SNTG1: variants seen among roughly 807,000 people sequenced by gnomAD.
SNTG1 encodes the protein gamma-1-syntrophin.
A neutral mutation model predicts 74.7 loss-of-function variants in SNTG1; 39 were observed. That is an observed-to-expected ratio of 0.52 (90% CI 0.40 to 0.68). SNTG1 has a LOEUF of 0.68. Ranked by LOEUF, SNTG1 falls within the 30% of genes least tolerant of loss-of-function variation. SNTG1 has a pLI of 0.00. For missense variants in SNTG1, 685 were observed against 609.5 expected, an observed-to-expected ratio of 1.12 and a Z score of -1.30; for synonymous variants, 254 against 217.1, an observed-to-expected ratio of 1.17 and a Z score of -1.49.
At chr8:50,594,588 A>C (rs1444325574) in intron 13 of SNTG1, among the ~76,000 whole-genome samples, 1 of 152,176 alleles carries the variant, frequency 6.6e-6, no homozygotes, top group African/African-American at 2.4e-5. Context: ...AGATGTGTAC[A>C]TACCATACAT....
At chr8:50,070,338 T>G (rs926101860) in intron 1 of SNTG1, among the ~76,000 whole-genome samples, 2 of 152,234 alleles carry the variant, frequency 1.3e-5, no homozygotes, top group African/African-American at 2.4e-5. Flanking sequence ...ATAGCTTTTC[T>G]TTTGTTATTT....
Position 50,258,197 on chromosome 8 carries a change from C to G in SNTG1, c.-28+85562C>G, listed in dbSNP as rs1254026070. Among the ~76,000 whole-genome samples, 19 of 152,298 alleles carry G rather than the reference C, an allele frequency of 1.2e-4. No homozygotes were observed. In the South Asian group the frequency reaches 3.9e-3, roughly 32 times the overall value. Reference sequence around the variant, plus strand: ...TATTTAAAATGCTGAGTTTTCACTGCTAGATGATCCGAAAGCAGTTTCACT... The same window carrying G: ...TATTTAAAATGCTGAGTTTTCACTGGTAGATGATCCGAAAGCAGTTTCACT... On this transcript the variant is annotated intron_variant, in intron 2 of 18. Coordinates refer to ENST00000642720, the MANE Select transcript of SNTG1 (RefSeq NM_018967.5).
intron 9 of SNTG1, among the ~76,000 whole-genome samples, chr8:50,526,166 C>A (rs1337244766): frequency 6.6e-6 from 1 of 152,050 alleles, no homozygotes; most frequent in Non-Finnish European, 1.5e-5. Context: ...TGCAATGAGC[C>A]CCTGAACTCT....
At chr8:50,545,917 C>T (rs190203205) in intron 11 of SNTG1, among the ~76,000 whole-genome samples, 7 of 151,816 alleles carry the variant, frequency 4.6e-5, no homozygotes, top group South Asian at 2.1e-4. Context: ...AACAATAAAG[C>T]GAAATATGAA....
intron 9 of SNTG1, among the ~76,000 whole-genome samples, chr8:50,516,349 A>G (rs1393452199): frequency 6.6e-6 from 1 of 152,222 alleles, no homozygotes. Context: ...AAACCAGCAC[A>G]CAAAGTCTGA....
intron 1 of SNTG1, among the ~76,000 whole-genome samples, chr8:50,136,814 G>C (rs538819895): frequency 6.6e-6 from 1 of 152,134 alleles, no homozygotes; most frequent in Non-Finnish European, 1.5e-5. Flanking sequence ...AACTCACAGG[G>C]ACTCTGACAG....
intron 1 of SNTG1, chr8:50,163,711 C>T (rs1232321375): frequency 3.3e-5 from 5 of 152,166 alleles, no homozygotes; most frequent in Non-Finnish European, 5.9e-5. Flanking sequence ...TCTCGATCTC[C>T]TGACCTCAGG....
At chr8:50,640,727 C>G (rs958228644) in intron 13 of SNTG1, among the ~76,000 whole-genome samples, 3 of 152,116 alleles carry the variant, frequency 2.0e-5, no homozygotes, top group Middle Eastern at 3.2e-3. Flanking sequence ...ATCTGCTCTT[C>G]TTTGATGACC....
intron 1 of SNTG1, among the ~76,000 whole-genome samples, chr8:49,980,223 A>G (rs1288423299): frequency 3.3e-5 from 5 of 152,112 alleles, no homozygotes; most frequent in African/African-American, 1.2e-4. Context: ...TTTCTCTATG[A>G]ATTACATTAC....
rs373277234 is a variant in SNTG1, at chr8:50,349,300, AT to A, written c.-27-44910del. Among the ~76,000 whole-genome samples the A allele has an allele frequency of 2.0e-3, 298 of 152,302 alleles. 3 individuals carry two copies. The South Asian group carries it at 0.021, about 11-fold the overall frequency. On this transcript the variant is annotated intron_variant, in intron 2 of 18. Coordinates refer to ENST00000642720, the MANE Select transcript of SNTG1 (RefSeq NM_018967.5). ...GGAGTCTACACAGGGGTAAGACATA[AT>A]TCTGCTTCAAAGATTCCATAGTCTA...
chr8:50,662,801 C>T (rs578076860), intron 15 of SNTG1, among the ~76,000 whole-genome samples: 1 of 151,416 alleles, frequency 6.6e-6, no homozygotes, highest in East Asian at 1.9e-4. Flanking sequence ...TTCAGTTCTT[C>T]ATCTGTGAAA....
chr8:50,195,546 C>T (rs1362187553), intron 2 of SNTG1, among the ~76,000 whole-genome samples: 1 of 152,180 alleles, frequency 6.6e-6, no homozygotes, highest in Non-Finnish European at 1.5e-5. Flanking sequence ...TCTGGTCACC[C>T]TCCCAATGGA....
In SNTG1 at chr8:50,449,719, C is replaced by G. The variant is rs775615270; in HGVS notation, c.271C>G (p.Gln91Glu). The G allele has an allele frequency of 6.3e-7, 1 of 1,594,620 alleles. No individual in the cohort carries two copies. Among genetic ancestry groups the G allele is most frequent in the Non-Finnish European group, 8.6e-7 (1 of 1,168,964 alleles). Residue 91 changes from glutamine (Q) to glutamate (E), a missense_variant, in exon 6 of 19, where the codon CAA (glutamine) becomes GAA (glutamate). By Grantham distance (29) the Gln-to-Glu change is conservative. Transcript: ENST00000642720. ...PVVVSKISKE[Q>E]RAELSGLLFI... Reference sequence around the variant, plus strand: ...TGTCGTTTCAAAAATCTCCAAGGAACAAAGAGGTAATATGTTTAGAGAATT... The same window carrying G: ...TGTCGTTTCAAAAATCTCCAAGGAAGAAAGAGGTAATATGTTTAGAGAATT...
intron 13 of SNTG1, among the ~76,000 whole-genome samples, chr8:50,631,975 A>G (rs931068971): frequency 3.3e-5 from 5 of 152,202 alleles, no homozygotes; most frequent in African/African-American, 1.2e-4. Flanking sequence ...TGAAGCATTA[A>G]AGTAACTCAG....
rs376104025 is a variant in SNTG1 at position 50,394,271 on chromosome 8, T to A, written c.27+6T>A. Reference sequence around the variant, plus strand: ...TCAGAACCGCCTGTGAGGAGGTGAGTACAGAGCTTTCTGCTTTTCAAACAG... The same window carrying A: ...TCAGAACCGCCTGTGAGGAGGTGAGAACAGAGCTTTCTGCTTTTCAAACAG... On this transcript the variant is annotated splice_donor_region_variant and intron_variant, in intron 3 of 18. Coordinates refer to ENST00000642720, the MANE Select transcript of SNTG1 (RefSeq NM_018967.5). The A allele has an allele frequency of 2.4e-5, 38 of 1,611,292 alleles. No homozygotes were observed. The highest frequency in any genetic ancestry group is 3.0e-5 in the Non-Finnish European group (35 of 1,178,480).
chr8:50,375,155 A>T (rs965239367), intron 2 of SNTG1, among the ~76,000 whole-genome samples: 1 of 152,206 alleles, frequency 6.6e-6, no homozygotes, highest in African/African-American at 2.4e-5. Context: ...TTTAAACAAC[A>T]TCATTTCTGA....
At chr8:50,392,710 T>C (rs1291056016) in intron 2 of SNTG1, among the ~76,000 whole-genome samples, 1 of 152,280 alleles carries the variant, frequency 6.6e-6, no homozygotes, top group African/African-American at 2.4e-5. Flanking sequence ...TCACCTAATG[T>C]TTTGATGAAA....
Position 50,767,362 on chromosome 8 carries a change from A to G in SNTG1, c.1395+15251A>G, listed in dbSNP as rs2095616316. Among the ~76,000 whole-genome samples the G allele has an allele frequency of 2.0e-5, 3 of 151,956 alleles. No homozygotes were observed. The South Asian group carries it at 6.2e-4, about 31-fold the overall frequency. Reference sequence around the variant, plus strand: ...GAAAATCGTGTGGGTTTACATAGGAATTGGGAGAACTTTGTTTTATCTTTT... The same window carrying G: ...GAAAATCGTGTGGGTTTACATAGGAGTTGGGAGAACTTTGTTTTATCTTTT... On this transcript the variant is annotated intron_variant, in intron 18 of 18. Coordinates refer to ENST00000642720, the MANE Select transcript of SNTG1 (RefSeq NM_018967.5).
At chr8:50,550,459 A>G (rs1025963798) in intron 11 of SNTG1, among the ~76,000 whole-genome samples, 2 of 152,186 alleles carry the variant, frequency 1.3e-5, no homozygotes, top group African/African-American at 4.8e-5. Flanking sequence ...TTAGGTTGAA[A>G]ATTATTCATG....
Sources: allele counts gnomAD v4.1 joint callset (sites outside exome capture counted in the v4.1 genomes callset), GRCh38; gene constraint gnomAD v4.1.1; transcripts MANE v1.5; gene names NCBI Gene and HGNC (gene_info 2026-07-23, HGNC 2026-07-21).